EFCAB5: variants seen among roughly 807,000 people sequenced by gnomAD.
EFCAB5 encodes EF-hand calcium binding domain 5.
A neutral mutation model predicts 167.9 loss-of-function variants in EFCAB5; 131 were observed. That is an observed-to-expected ratio of 0.78 (90% CI 0.68 to 0.90). The LOEUF is 0.90. Ranked by LOEUF, EFCAB5 falls within the 40% of genes least tolerant of loss-of-function variation. EFCAB5 has a pLI of 0.00. For missense variants in EFCAB5, 1,663 were observed against 1,745.2 expected (o/e 0.95, Z 0.84); for synonymous variants, 574 against 602.8 (o/e 0.95, Z 0.70).
At chr17:29,968,354 A>C (rs1426892559) in intron 3 of EFCAB5, 1 of 453,184 alleles carries the variant, frequency 2.2e-6, no homozygotes, top group Non-Finnish European at 4.4e-6. Context: ...CATGTATCCT[A>C]GTTAGGGCAG....
chr17:29,968,728 A>T, intron 3 of EFCAB5, 63 bp from the exon 4 acceptor site: 1 of 1,316,688 alleles, frequency 7.6e-7, no homozygotes. Flanking sequence ...ATATTATTCT[A>T]AAGTCACATA....
At chr17:30,089,641 G>A (rs2151846332) in intron 19 of EFCAB5, among the ~76,000 whole-genome samples, 1 of 152,234 alleles carries the variant, frequency 6.6e-6, no homozygotes, top group Non-Finnish European at 1.5e-5. Context: ...ACCAGCTGCT[G>A]TAGGCACGGC....
intron 22 of EFCAB5, among the ~76,000 whole-genome samples, chr17:30,106,566 C>T (rs2071451727): frequency 6.6e-6 from 1 of 152,084 alleles, no homozygotes; most frequent in Admixed American, 6.6e-5. Flanking sequence ...AAGCGATTCT[C>T]CTGCCTCAGC....
At chr17:29,990,711 TATA>T in intron 4 of EFCAB5, among the ~76,000 whole-genome samples, 1 of 152,312 alleles carries the variant, frequency 6.6e-6, no homozygotes, top group South Asian at 2.1e-4. Context: ...CAAATGTAGC[TATA>T]ATATTTCCCT....
intron 16 of EFCAB5, among the ~76,000 whole-genome samples, chr17:30,080,493 T>C (rs1387834973): frequency 6.6e-6 from 1 of 152,210 alleles, no homozygotes; most frequent in Non-Finnish European, 1.5e-5. Flanking sequence ...GCCTGCTCCA[T>C]AAGTTATGTC....
At chr17:29,973,810 T>C (rs1363385599) in intron 4 of EFCAB5, among the ~76,000 whole-genome samples, 1 of 151,408 alleles carries the variant, frequency 6.6e-6, no homozygotes, top group Non-Finnish European at 1.5e-5. Flanking sequence ...AAAATCTTGG[T>C]TCCTAATGAC....
chr17:29,965,534 T>C (rs1171931827), intron 3 of EFCAB5, among the ~76,000 whole-genome samples: 2 of 152,234 alleles, frequency 1.3e-5, no homozygotes, highest in South Asian at 4.1e-4. Flanking sequence ...GACTATTGTA[T>C]ATATGACTGT....
At chr17:30,093,682 C>T (rs1260653108) in intron 22 of EFCAB5, among the ~76,000 whole-genome samples, 2 of 152,154 alleles carry the variant, frequency 1.3e-5, no homozygotes, top group Non-Finnish European at 2.9e-5. Context: ...TTCTGCTTTC[C>T]AATAGTGCCC....
intron 7 of EFCAB5, among the ~76,000 whole-genome samples, chr17:30,015,759 CT>C (rs71138866): frequency 0.41 from 52,815 of 130,214 alleles, 6,205 homozygotes; most frequent in Admixed American, 0.45. Flanking sequence ...TTGGTTATTT[CT>C]TTTTTTTTTT....
At chr17:29,971,267 C>A (rs1199674591) in intron 4 of EFCAB5, among the ~76,000 whole-genome samples, 1 of 152,108 alleles carries the variant, frequency 6.6e-6, no homozygotes, top group Non-Finnish European at 1.5e-5. Flanking sequence ...TTACTGAGTT[C>A]TCTTACAGTA....
At chr17:29,968,686 C>A in intron 3 of EFCAB5, 105 bp from the exon 4 acceptor site, 1 of 841,432 alleles carries the variant, frequency 1.2e-6, no homozygotes, top group Non-Finnish European at 1.7e-6. Context: ...TCTTCCAATC[C>A]ACTGTGTAAA....
At chr17:29,944,225 A>G (rs1458272899) in intron 3 of EFCAB5, among the ~76,000 whole-genome samples, 1 of 151,806 alleles carries the variant, frequency 6.6e-6, no homozygotes, top group Non-Finnish European at 1.5e-5. Flanking sequence ...ATGGGCACAC[A>G]TTACCTCACC....
intron 4 of EFCAB5, among the ~76,000 whole-genome samples, chr17:29,973,885 C>T (rs1178637899): frequency 1.3e-5 from 2 of 151,222 alleles, no homozygotes; most frequent in African/African-American, 2.4e-5. Context: ...TGGCCCAGCG[C>T]GGTGGCTCAA....
intron 3 of EFCAB5, among the ~76,000 whole-genome samples, chr17:29,945,153 T>C (rs1381888230): frequency 6.6e-6 from 1 of 152,172 alleles, no homozygotes; most frequent in Admixed American, 6.5e-5. Context: ...TTCTTTACAA[T>C]ATTTAAAATT....
chr17:30,097,065 T>A (rs1355850490), intron 22 of EFCAB5, among the ~76,000 whole-genome samples: 38 of 148,288 alleles, frequency 2.6e-4, no homozygotes, highest in African/African-American at 9.3e-4. Flanking sequence ...TATATATTTT[T>A]TTTTTTTTGA....
At chr17:30,071,789 A>G (rs1235813633) in intron 14 of EFCAB5, among the ~76,000 whole-genome samples, 2 of 152,228 alleles carry the variant, frequency 1.3e-5, no homozygotes, top group Non-Finnish European at 2.9e-5. Flanking sequence ...TTTGGTCTAT[A>G]TATACAATGG....
In EFCAB5 at chr17:29,943,125, T is replaced by G. The variant is rs536992070; in HGVS notation, c.106-440T>G. 3.3e-5 allele frequency among the ~76,000 whole-genome samples: 5 copies of G among 152,102 alleles called. No homozygotes were observed. In the South Asian group the frequency reaches 1.0e-3, roughly 32 times the overall value. ...AACTATTTTGTTGCTATTCATAAAA[T>G]TAATCTTTAATTTCCTCAATTAAGA... On this transcript the variant is annotated intron_variant, in intron 2 of 22. Transcript: ENST00000394835.
chr17:29,982,378 G>A (rs894711605), intron 4 of EFCAB5, among the ~76,000 whole-genome samples: 1 of 151,926 alleles, frequency 6.6e-6, no homozygotes. Context: ...AGGTGACAGA[G>A]CAAGACTGTC....
At chr17:30,105,738 T>G (rs1311044686) in intron 22 of EFCAB5, among the ~76,000 whole-genome samples, 1 of 152,252 alleles carries the variant, frequency 6.6e-6, no homozygotes, top group Non-Finnish European at 1.5e-5. Context: ...TCATTATTCC[T>G]TAATTTAATG....
Sources: allele counts gnomAD v4.1 joint callset (sites outside exome capture counted in the v4.1 genomes callset), GRCh38; gene constraint gnomAD v4.1.1; transcripts MANE v1.5; gene names NCBI Gene and HGNC (gene_info 2026-07-23, HGNC 2026-07-21).